The following DCUN1D1 variants were observed in gnomAD, a reference collection of about 807,000 sequenced individuals.
The protein encoded by DCUN1D1 is DCN1-like protein 1.
Under a neutral mutation model 39.0 loss-of-function variants are expected in DCUN1D1, and 3 were observed. That is an observed-to-expected ratio of 0.08 (90% CI 0.04 to 0.20). The LOEUF (loss-of-function observed/expected upper bound fraction) is 0.20, where lower values mean the gene tolerates loss of function less well. Among genes scored for constraint, DCUN1D1 ranks in the 10% least tolerant of loss-of-function variants. DCUN1D1 has a pLI of 1.00. For missense variants in DCUN1D1, 158 were observed against 302.4 expected (o/e 0.52, Z 3.54); for synonymous variants, 82 against 96.3 (o/e 0.85, Z 0.87).
rs1428050743 is a variant in DCUN1D1 at position 182,941,832 on chromosome 3, A to T, written c.*3262T>A. Reference sequence around the variant, plus strand: ...ACTTTTTTATTCCAAAACTCCTTCGATTAGGTTTAACTTTCTCCTGTCATT... The same window carrying T: ...ACTTTTTTATTCCAAAACTCCTTCGTTTAGGTTTAACTTTCTCCTGTCATT... On this transcript the variant is annotated 3_prime_UTR_variant, in exon 7 of 7. Coordinates refer to ENST00000292782, the MANE Select transcript of DCUN1D1 (RefSeq NM_020640.4). The T allele has an allele frequency of 6.6e-6, 1 of 152,088 alleles. No individual in the cohort carries two copies. Among genetic ancestry groups the T allele is most frequent in the Non-Finnish European group, 1.5e-5 (1 of 67,956 alleles). 9.4% of individuals were successfully genotyped at this position (152,088 alleles called of 1,614,324 possible). A position where few individuals can be genotyped will look rare whatever the true frequency, so the allele number is the denominator to read the frequency against.
At chr3:182,951,514 G>A (rs1470807395) in intron 4 of DCUN1D1, among the ~76,000 whole-genome samples, 1 of 148,356 alleles carries the variant, frequency 6.7e-6, no homozygotes. Flanking sequence ...TACTCAAGAG[G>A]TTGAGGCAGG....
intron 1 of DCUN1D1, chr3:182,980,186 G>T: frequency 2.0e-6 from 1 of 489,192 alleles, no homozygotes; most frequent in Non-Finnish European, 2.6e-6. Context: ...CCCCACCCGC[G>T]CCGGGCCCCG....
At chr3:182,985,104 T>C (rs1056055722), upstream of DCUN1D1, among the ~76,000 whole-genome samples, 1 of 152,236 alleles carries the variant, frequency 6.6e-6, no homozygotes, top group Non-Finnish European at 1.5e-5. Flanking sequence ...TTAGATCTTA[T>C]GAATTCAGAA....
upstream of DCUN1D1, among the ~76,000 whole-genome samples, chr3:182,984,681 C>T (rs561621098): frequency 3.3e-5 from 5 of 152,104 alleles, no homozygotes; most frequent in South Asian, 4.1e-4. Flanking sequence ...CTCATAAATA[C>T]GTAAATACTT....
chr3:182,961,115 G>C, intron 4 of DCUN1D1, 111 bp downstream of exon 4: 1 of 769,758 alleles, frequency 1.3e-6, no homozygotes, highest in Non-Finnish European at 2.0e-6. Flanking sequence ...TCAATAACTG[G>C]TATTTTCATG....
At chr3:182,985,090 G>A (rs938956600), upstream of DCUN1D1, among the ~76,000 whole-genome samples, 1 of 152,154 alleles carries the variant, frequency 6.6e-6, no homozygotes. Context: ...GTAAAACATG[G>A]CATTTAGATC....
At chr3:182,982,227 T>C (rs1728578825), upstream of DCUN1D1, among the ~76,000 whole-genome samples, 1 of 152,174 alleles carries the variant, frequency 6.6e-6, no homozygotes, top group South Asian at 2.1e-4. Flanking sequence ...CTCCTGCATC[T>C]CCTCTTTACT....
At chr3:182,981,372 C>G (rs1478227255), upstream of DCUN1D1, among the ~76,000 whole-genome samples, 3 of 152,182 alleles carry the variant, frequency 2.0e-5, no homozygotes, top group African/African-American at 7.2e-5. Flanking sequence ...GGCGGACAGT[C>G]CAGGTGTGAC....
At chr3:182,982,580 C>A (rs1003166063), upstream of DCUN1D1, among the ~76,000 whole-genome samples, 1 of 152,184 alleles carries the variant, frequency 6.6e-6, no homozygotes, top group African/African-American at 2.4e-5. Context: ...AGTTTTCCCT[C>A]CTAAATGACT....
intron 1 of DCUN1D1, chr3:182,985,636 T>TA (rs1372445640): frequency 1.3e-5 from 2 of 151,772 alleles, no homozygotes; most frequent in African/African-American, 4.8e-5. Context: ...TCTCAGAAAA[T>TA]AAAAAATAAA....
upstream of DCUN1D1, among the ~76,000 whole-genome samples, chr3:182,984,103 AAAAG>A (rs1246679517): frequency 6.6e-6 from 1 of 152,110 alleles, no homozygotes; most frequent in Non-Finnish European, 1.5e-5. Flanking sequence ...TAAATTAATG[AAAAG>A]AAAGAGATAT....
At chr3:182,975,466 G>T (rs1002796754) in intron 1 of DCUN1D1, among the ~76,000 whole-genome samples, 4 of 151,712 alleles carry the variant, frequency 2.6e-5, no homozygotes, top group Non-Finnish European at 4.4e-5. Flanking sequence ...GTGAGCCACC[G>T]CGCCCAGCCA....
At chr3:182,954,947 C>T (rs1280226979) in intron 4 of DCUN1D1, among the ~76,000 whole-genome samples, 1 of 151,986 alleles carries the variant, frequency 6.6e-6, no homozygotes, top group Non-Finnish European at 1.5e-5. Context: ...AATTTGTCTA[C>T]TTTTCTAAAG....
At chr3:182,972,424 TATTC>T (rs1486370047) in intron 1 of DCUN1D1, among the ~76,000 whole-genome samples, 8 of 152,334 alleles carry the variant, frequency 5.3e-5, no homozygotes, top group African/African-American at 1.7e-4. Flanking sequence ...GGATAACGAT[TATTC>T]ATTCATTCTT....
At chr3:182,972,794 A>T (rs938766213) in intron 1 of DCUN1D1, among the ~76,000 whole-genome samples, 8 of 152,168 alleles carry the variant, frequency 5.3e-5, no homozygotes, top group African/African-American at 1.7e-4. Context: ...TAATCCCAGC[A>T]CTCTGGGAGG....
intron 2 of DCUN1D1, 92 bp downstream of exon 2, chr3:182,965,444 AT>A (rs1727622800): frequency 1.1e-5 from 8 of 747,042 alleles, no homozygotes; most frequent in Non-Finnish European, 1.7e-5. Flanking sequence ...CATCCACCCA[AT>A]TTAAGTTATA....
chr3:182,954,052 TA>T (rs756443786), intron 4 of DCUN1D1, among the ~76,000 whole-genome samples: 13 of 152,214 alleles, frequency 8.5e-5, no homozygotes, highest in Non-Finnish European at 1.3e-4. Flanking sequence ...TTAAAAATCC[TA>T]TTCACAATGT....
At chr3:182,953,704 A>G (rs1480244338) in intron 4 of DCUN1D1, among the ~76,000 whole-genome samples, 2 of 152,248 alleles carry the variant, frequency 1.3e-5, no homozygotes, top group African/African-American at 4.8e-5. Flanking sequence ...AAAAGACAAC[A>G]AAGTCAGTGA....
chr3:182,964,008 G>C lies in DCUN1D1; in HGVS notation c.262C>G (p.Gln88Glu). Residue 88 changes from glutamine to glutamate, a missense_variant, in exon 3 of 7, where the codon CAG becomes GAG. Around this residue, in one of 4 missense-constraint regions of DCUN1D1, gnomAD observed 107 missense variants for 174.7 expected, o/e 0.61. Coordinates refer to ENST00000292782, the MANE Select transcript of DCUN1D1 (RefSeq NM_020640.4). Reference protein sequence around the residue: ...ENKIGIDGIQQFCDDLALDPA... With the variant: ...ENKIGIDGIQEFCDDLALDPA... ...TCGAGTGCCAGGTCATCACAGAACTGCTGTATGCCATCTATTCCAATTTTA... is the reference window on the plus strand; with the variant it reads ...TCGAGTGCCAGGTCATCACAGAACTCCTGTATGCCATCTATTCCAATTTTA... 2 of 1,613,650 alleles carry C rather than the reference G, an allele frequency of 1.2e-6. No homozygotes were observed. The highest frequency in any genetic ancestry group is 1.7e-6 in the Non-Finnish European group (2 of 1,179,756).
Sources: gnomAD v4.1 joint callset for allele counts (sites outside exome capture counted in the v4.1 genomes callset) on GRCh38, gnomAD v4.1.1 for gene constraint, gnomAD v4.1.1 regional missense constraint, MANE v1.5 for transcripts, NCBI Gene and HGNC (gene_info 2026-07-23, HGNC 2026-07-21) for gene names.